The following VEZT variants were observed in gnomAD, a reference collection of about 807,000 sequenced individuals.
VEZT encodes the protein vezatin, adherens junctions transmembrane protein.
Under a neutral mutation model 79.9 loss-of-function variants are expected in VEZT, and 39 were observed. The observed-to-expected ratio is 0.49, with a 90% CI of 0.38 to 0.64. VEZT has a LOEUF of 0.64. Ranked by LOEUF, VEZT falls within the 30% of genes least tolerant of loss-of-function variation. The pLI, the probability that VEZT is intolerant of heterozygous loss-of-function variation, is 0.00. For missense variants in VEZT, 837 were observed against 893.1 expected (o/e 0.94, Z 0.80); for synonymous variants, 325 against 327.6 (o/e 0.99, Z 0.09).
At chr12:95,250,244 A>G (rs545322558) in intron 1 of VEZT, among the ~76,000 whole-genome samples, 10 of 111,356 alleles carry the variant, frequency 9.0e-5, no homozygotes, top group Non-Finnish European at 1.7e-4. Context: ...GTCTTTTTGG[A>G]GATTTAAATA....
At chr12:95,253,394 C>A (rs1267420288) in intron 2 of VEZT, among the ~76,000 whole-genome samples, 5 of 152,154 alleles carry the variant, frequency 3.3e-5, no homozygotes, top group African/African-American at 1.2e-4. Context: ...TTGACTAACA[C>A]CCAGAAGGTG....
chr12:95,270,718 T>C (rs2066422320), intron 6 of VEZT, among the ~76,000 whole-genome samples: 1 of 152,242 alleles, frequency 6.6e-6, no homozygotes. Flanking sequence ...CCTTATTGGA[T>C]TTTTGTTAGG....
At chr12:95,277,174 T>A (rs1239408809) in intron 7 of VEZT, among the ~76,000 whole-genome samples, 1 of 149,508 alleles carries the variant, frequency 6.7e-6, no homozygotes, top group Non-Finnish European at 1.5e-5. Context: ...ATCCTTTGAA[T>A]TTGTAATTCC....
intron 2 of VEZT, among the ~76,000 whole-genome samples, chr12:95,253,627 T>TTTTTG (rs2062978080): frequency 6.6e-6 from 1 of 152,184 alleles, no homozygotes; most frequent in African/African-American, 2.4e-5. Context: ...GACCTCTAAT[T>TTTTTG]TTTTGTTTTG....
chr12:95,218,040 C>A, intron 1 of VEZT, 154 bp downstream of exon 1: 1 of 658,208 alleles, frequency 1.5e-6, no homozygotes, highest in Non-Finnish European at 2.4e-6. Context: ...GCCTAGAGTC[C>A]GTCGTCGCCT....
At chr12:95,253,685 T>C (rs1481929560) in intron 2 of VEZT, among the ~76,000 whole-genome samples, 1 of 152,254 alleles carries the variant, frequency 6.6e-6, no homozygotes, top group African/African-American at 2.4e-5. Context: ...TTGTCATTTA[T>C]GACAAGTATT....
intron 5 of VEZT, among the ~76,000 whole-genome samples, chr12:95,268,935 C>G (rs2066075650): frequency 6.6e-6 from 1 of 152,194 alleles, no homozygotes; most frequent in African/African-American, 2.4e-5. Context: ...AAATTGTCCT[C>G]TCTCACAAAT....
At chr12:95,270,688 G>A (rs916918652) in intron 6 of VEZT, among the ~76,000 whole-genome samples, 2 of 152,106 alleles carry the variant, frequency 1.3e-5, no homozygotes, top group African/African-American at 4.8e-5. Context: ...TGTTTAAAAT[G>A]GCAATAATAA....
intron 2 of VEZT, among the ~76,000 whole-genome samples, chr12:95,254,684 CTTG>C (rs1412042263): frequency 2.0e-5 from 3 of 152,058 alleles, no homozygotes; most frequent in Non-Finnish European, 1.5e-5. Flanking sequence ...TTTTAGAAAA[CTTG>C]TTGTATTGTT....
At chr12:95,247,503 A>T in intron 1 of VEZT, among the ~76,000 whole-genome samples, 1 of 132,772 alleles carries the variant, frequency 7.5e-6, no homozygotes, top group Non-Finnish European at 1.8e-5. Context: ...TTTCATTAAC[A>T]TATGTTGTTT....
At chr12:95,234,912 G>T (rs189295800) in intron 1 of VEZT, among the ~76,000 whole-genome samples, 22 of 151,952 alleles carry the variant, frequency 1.4e-4, no homozygotes, top group African/African-American at 5.3e-4. Flanking sequence ...ATCTTGCACC[G>T]CCCTTAATCC....
Position 95,282,593 on chromosome 12 carries a change from T to C in VEZT, c.1277T>C (p.Val426Ala), listed in dbSNP as rs1019424367. The C allele has an allele frequency of 6.2e-7, 1 of 1,613,854 alleles. No individual in the cohort carries two copies. The highest frequency in any genetic ancestry group is 8.5e-7 in the Non-Finnish European group (1 of 1,179,784). ...CAGAAGTCAAGAGAACTGAATAATG[T>C]TCACACAGCAGTGCGTAGCTTGCAG... ...TQQKSRELNNVHTAVRSLQLH... is the reference protein window; with the variant it reads ...TQQKSRELNNAHTAVRSLQLH... Residue 426 changes from valine to alanine, a missense_variant, in exon 8 of 12, where the codon GTT (valine) becomes GCT (alanine). Physicochemically the swap from Val to Ala is moderately conservative, Grantham distance 64. Transcript: ENST00000436874.
chr12:95,295,930 A>T, intron 10 of VEZT, 121 bp from the exon 11 acceptor site: 1 of 715,260 alleles, frequency 1.4e-6, no homozygotes, highest in Non-Finnish European at 2.2e-6. Context: ...TGCTTTAATG[A>T]CCTGTGCCAA....
intron 1 of VEZT, among the ~76,000 whole-genome samples, chr12:95,220,141 T>C (rs2057349826): frequency 6.6e-6 from 1 of 152,150 alleles, no homozygotes; most frequent in Non-Finnish European, 1.5e-5. Context: ...AGCACACCCA[T>C]GTAACCAGCA....
intron 9 of VEZT, chr12:95,293,910 A>T (rs1157391202): frequency 6.0e-6 from 1 of 165,848 alleles, no homozygotes; most frequent in African/African-American, 2.4e-5. Flanking sequence ...GTTGGGGGAG[A>T]CAGGATCTAG....
At chr12:95,270,251 A>G (rs574114301) in intron 6 of VEZT, 63 bp downstream of exon 6, 1 of 1,478,328 alleles carries the variant, frequency 6.8e-7, no homozygotes, top group African/African-American at 1.4e-5. Context: ...TATAGATATT[A>G]TAGTTGTATC....
chr12:95,274,151 C>T (rs1271992367), intron 6 of VEZT, among the ~76,000 whole-genome samples: 1 of 152,120 alleles, frequency 6.6e-6, no homozygotes, highest in East Asian at 1.9e-4. Context: ...GTGCACAATA[C>T]AGCTACAAAT....
At chr12:95,297,278 G>T (rs954921136) in intron 11 of VEZT, among the ~76,000 whole-genome samples, 2 of 152,224 alleles carry the variant, frequency 1.3e-5, no homozygotes, top group Non-Finnish European at 2.9e-5. Context: ...AGTAGGTAGA[G>T]TGTGGATTCT....
At chr12:95,234,808 T>C (rs1026359435) in intron 1 of VEZT, among the ~76,000 whole-genome samples, 1 of 152,144 alleles carries the variant, frequency 6.6e-6, no homozygotes, top group African/African-American at 2.4e-5. Context: ...CCTGCGGCCT[T>C]CCGCAGTGTT....
Sources: allele counts gnomAD v4.1 joint callset (sites outside exome capture counted in the v4.1 genomes callset), GRCh38; gene constraint gnomAD v4.1.1; transcripts MANE v1.5; gene names NCBI Gene and HGNC (gene_info 2026-07-23, HGNC 2026-07-21).